SLC49A3: variants seen among roughly 807,000 people sequenced by gnomAD.
SLC49A3 encodes the protein solute carrier family 49 member 3.
A neutral mutation model predicts 43.8 loss-of-function variants in SLC49A3; 50 were observed. The observed-to-expected ratio is 1.14, with a 90% CI of 0.91 to 1.45. SLC49A3 has a LOEUF of 1.45. Ranked by LOEUF, SLC49A3 falls within the 40% of genes most tolerant of loss-of-function variation. The probability of loss-of-function intolerance (pLI) is 0.00; values close to 1 mark genes in which losing one functional copy is unlikely to be tolerated. For synonymous variants in SLC49A3, 413 were observed against 352.0 expected (o/e 1.17, Z -1.94); for missense variants, 906 against 774.1 (o/e 1.17, Z -2.02).
At chr4:686,370 C>T (rs974937103) in intron 2 of SLC49A3, 68 bp from the exon 3 acceptor site, 32 of 1,558,598 alleles carry the variant, frequency 2.1e-5, no homozygotes, top group East Asian at 7.0e-5. Context: ...CCCCGTCCCC[C>T]GAGCACCTGG....
At chr4:681,288 C>G (rs1739470843), downstream of SLC49A3, 5 of 913,306 alleles carry the variant, frequency 5.5e-6, no homozygotes, top group South Asian at 4.8e-5. Flanking sequence ...CCGAAGTGCC[C>G]GTCTGAGGGA....
At chr4:688,922 A>G in intron 1 of SLC49A3, 71 bp downstream of exon 1, 1 of 1,525,528 alleles carries the variant, frequency 6.6e-7, no homozygotes, top group Non-Finnish European at 8.7e-7. Flanking sequence ...CTGTGGCCAC[A>G]GGAAAACAAA....
chr4:683,461 C>T (rs1000940746), intron 7 of SLC49A3, 94 bp from the exon 8 acceptor site: 2 of 1,507,786 alleles, frequency 1.3e-6, no homozygotes, highest in African/African-American at 1.4e-5. Context: ...GGCAGGAGAA[C>T]CCATCCCACC....
At chr4:688,911 G>A in intron 1 of SLC49A3, 82 bp downstream of exon 1, 7 of 1,497,428 alleles carry the variant, frequency 4.7e-6, no homozygotes, top group Non-Finnish European at 6.2e-6. Context: ...GGCACCTCGG[G>A]CTGTGGCCAC....
At chr4:689,161 G>A, upstream of SLC49A3, 2 of 1,282,154 alleles carry the variant, frequency 1.6e-6, no homozygotes, top group Non-Finnish European at 2.0e-6. Context: ...CGCCGGTCCC[G>A]CCGGCCGCCC....
At position 689,024 on chromosome 4, in the gene SLC49A3, G is replaced by A. The variant is rs536412076; in HGVS notation, c.104C>T (p.Ala35Val). The A allele has an allele frequency of 6.3e-6, 10 of 1,594,650 alleles. No homozygotes were observed. Among genetic ancestry groups the A allele is most frequent in the African/African-American group, 4.1e-5 (3 of 72,670 alleles). The change falls in exon 1 of 10, where the codon GCG becomes GTG. Residue 35 changes from alanine to valine, a missense_variant. Physicochemically the swap from Ala to Val is moderately conservative, Grantham distance 64. Coordinates refer to ENST00000322224, the MANE Select transcript of SLC49A3 (RefSeq NM_032219.4). ...TYARRWVFLL[A>V]ISLLNCSNAT... ...GTTGGAGCAGTTGAGCAGGCTGATC[G>A]CGAGCAGGAACACCCAGCGGCGCGC...
downstream of SLC49A3, among the ~76,000 whole-genome samples, chr4:677,507 C>A (rs74905711): frequency 4.6e-5 from 7 of 152,230 alleles, no homozygotes; most frequent in Non-Finnish European, 1.0e-4. Context: ...GGGGTGGTCC[C>A]AGGGCCAAGG....
At chr4:690,138 G>C (rs532925353), upstream of SLC49A3, among the ~76,000 whole-genome samples, 1 of 152,120 alleles carries the variant, frequency 6.6e-6, no homozygotes, top group Non-Finnish European at 1.5e-5. Context: ...ACAGGCTAAT[G>C]ATGAGGCCCC....
rs553258371 is a variant in SLC49A3, at chr4:686,472, C to T, written c.294+60G>A. The T allele has an allele frequency of 4.2e-5, 66 of 1,581,082 alleles. No individual in the cohort carries two copies. In the African/African-American group the frequency reaches 7.8e-4, roughly 19 times the overall value. ...GTCTGGGGAGGCCTTGACTCTCCTA[C>T]CCAAATGCGGGGGCCCCTGCACTGT... On this transcript the variant is annotated intron_variant, in intron 2 of 9. Transcript: ENST00000322224.
rs751764778 is a variant in SLC49A3, at chr4:681,873, C to T, written c.*85G>A. The T allele has an allele frequency of 3.8e-5, 50 of 1,311,136 alleles. No homozygotes were observed. The highest frequency in any genetic ancestry group is 4.4e-5 in the Non-Finnish European group (45 of 1,021,302). 81.2% of individuals were successfully genotyped at this position (1,311,136 alleles called of 1,614,324 possible). A position where few individuals can be genotyped will look rare whatever the true frequency, so the allele number is the denominator to read the frequency against. On this transcript the variant is annotated 3_prime_UTR_variant, in exon 10 of 10. Transcript: ENST00000322224. ...TTCGCTCCCGGAGCCCGCAAGGAGCCCTTTCGCCCCCGCCCGCAGGTGGAC... is the reference window on the plus strand; with the variant it reads ...TTCGCTCCCGGAGCCCGCAAGGAGCTCTTTCGCCCCCGCCCGCAGGTGGAC...
Position 685,713 on chromosome 4 carries a change from G to T in SLC49A3, c.585+122C>A. 9.7e-7 allele frequency: 1 copy of T among 1,030,888 alleles called. No homozygotes were observed. Among genetic ancestry groups the T allele is most frequent in the Non-Finnish European group, 1.5e-6 (1 of 688,352 alleles). 63.9% of individuals were successfully genotyped at this position (1,030,888 alleles called of 1,614,324 possible). ...AGGCTGAGACTCCTTCTCGGGTGGCGGGGCGGGGGACGGGAATCACACACG... is the reference window on the plus strand; with the variant it reads ...AGGCTGAGACTCCTTCTCGGGTGGCTGGGCGGGGGACGGGAATCACACACG... On this transcript the variant is annotated intron_variant, in intron 4 of 9. Coordinates refer to ENST00000322224, the MANE Select transcript of SLC49A3 (RefSeq NM_032219.4). This position sits in a 1 kb window ranked among gnomAD's most constrained non-coding sequence, Gnocchi z 4.3.
chr4:686,591 A>T lies in SLC49A3; in HGVS notation c.235T>A (p.Ser79Thr), dbSNP rs750653726. 8 of 1,613,302 alleles carry T rather than the reference A, an allele frequency of 5.0e-6. No homozygotes were observed. In the South Asian group the frequency reaches 8.8e-5, roughly 18 times the overall value. ...ATGGCCGCCACGCCAAATGGGGTGG[A>T]TACCACGAGGTAGACCAGTGACAGC... ...NWLSLVYLVV[S>T]TPFGVAAIWI... The change falls in exon 2 of 10, where the codon TCC (serine) becomes ACC (threonine). Residue 79 changes from serine to threonine, a missense_variant. Coordinates refer to ENST00000322224, the MANE Select transcript of SLC49A3 (RefSeq NM_032219.4).
Position 684,521 on chromosome 4 carries a change from G to A in SLC49A3, c.802C>T (p.Leu268Phe), listed in dbSNP as rs1740581612. 3 of 1,613,254 alleles carry A rather than the reference G, an allele frequency of 1.9e-6. No homozygotes were observed. Among genetic ancestry groups the A allele is most frequent in the Non-Finnish European group, 2.5e-6 (3 of 1,179,958 alleles). The change falls in exon 6 of 10, where the codon CTC (leucine) becomes TTC (phenylalanine). Residue 268 changes from leucine (L) to phenylalanine (F), a missense_variant. Physicochemically the swap from Leu to Phe is conservative, Grantham distance 22. Coordinates refer to ENST00000322224, the MANE Select transcript of SLC49A3 (RefSeq NM_032219.4). The stretch of plus-strand genomic sequence containing the variant: ...CTTGCACAGAGGATCTGCTCCAGGA[G>A]GGCTGAGAAGCTGGCAGAGATCCCG... The part of the protein sequence containing the change: ...MIGISASFSA[L>F]LEQILCASGH...
rs889632391 is a variant in SLC49A3 at position 686,788 on chromosome 4, C to A, written c.136-98G>T. 6.2e-6 allele frequency: 9 copies of A among 1,461,054 alleles called. No individual in the cohort carries two copies. In the African/African-American group the frequency reaches 1.3e-4, roughly 20 times the overall value. 90.5% of individuals were successfully genotyped at this position (1,461,054 alleles called of 1,614,324 possible). On this transcript the variant is annotated intron_variant, in intron 1 of 9. Coordinates refer to ENST00000322224, the MANE Select transcript of SLC49A3 (RefSeq NM_032219.4). Reference sequence around the variant, plus strand: ...GAGGGGGTCAGAGTGCCAGCAGCCCCGTGAGGCCGAGGGGACACAGCGAGC... The same window carrying A: ...GAGGGGGTCAGAGTGCCAGCAGCCCAGTGAGGCCGAGGGGACACAGCGAGC...
chr4:686,056 C>G, intron 3 of SLC49A3, 33 bp downstream of exon 3: 1 of 1,611,560 alleles, frequency 6.2e-7, no homozygotes. Flanking sequence ...CTGAGGTGAG[C>G]CCAGGCAGGC....
chr4:688,661 G>A (rs1351380858), intron 1 of SLC49A3, among the ~76,000 whole-genome samples: 1 of 152,136 alleles, frequency 6.6e-6, no homozygotes, highest in African/African-American at 2.4e-5. Context: ...GGGGCTGGGA[G>A]GCGTGGAAGG....
In SLC49A3 at chr4:682,868, T is replaced by A; in HGVS notation, c.1174A>T (p.Met392Leu). Residue 392 changes from methionine to leucine, a missense_variant, in exon 9 of 10, where the codon ATG becomes TTG. Physicochemically the swap from Met to Leu is conservative, Grantham distance 15. Coordinates refer to ENST00000322224, the MANE Select transcript of SLC49A3 (RefSeq NM_032219.4). ...VLGQAEGILI[M>L]LAMTALTVRR... Reference sequence around the variant, plus strand: ...ACAGTCAGTGCCGTCATTGCCAGCATGATGAGTATTCCCTCGGCCTGCCTG... The same window carrying A: ...ACAGTCAGTGCCGTCATTGCCAGCAAGATGAGTATTCCCTCGGCCTGCCTG... 3 of 1,601,036 alleles carry A rather than the reference T, an allele frequency of 1.9e-6. No individual in the cohort carries two copies. The highest frequency in any genetic ancestry group is 2.6e-6 in the Non-Finnish European group (3 of 1,171,846).
At chr4:677,940 T>C (rs1739010881), downstream of SLC49A3, 1 of 1,610,758 alleles carries the variant, frequency 6.2e-7, no homozygotes, top group Non-Finnish European at 8.5e-7. Flanking sequence ...AGCCGGAGTC[T>C]GAACTGTCCT....
downstream of SLC49A3, chr4:680,507 A>G (rs371042148): frequency 3.6e-5 from 58 of 1,613,300 alleles, no homozygotes; most frequent in Middle Eastern, 1.6e-4. Context: ...CCTTTGTGGC[A>G]GGTACCGACG....
Sources: gnomAD v4.1 joint callset for allele counts (sites outside exome capture counted in the v4.1 genomes callset) on GRCh38, gnomAD v4.1.1 for gene constraint, Gnocchi (gnomAD v3.1) non-coding constraint, MANE v1.5 for transcripts, NCBI Gene and HGNC (gene_info 2026-07-23, HGNC 2026-07-21) for gene names.